The following LYST variants were observed in gnomAD, a reference collection of about 807,000 sequenced individuals.
LYST encodes the protein lysosomal-trafficking regulator.
LYST carries 192 observed loss-of-function variants against 413.6 expected under a neutral mutation model. That is an observed-to-expected ratio of 0.46 (90% CI 0.41 to 0.52). The LOEUF is 0.52. LYST is among the 20% of genes least tolerant of loss of function. LYST has a pLI of 0.00. For missense variants in LYST, 3,815 were observed against 4,499.9 expected, an observed-to-expected ratio of 0.85 and a Z score of 4.35; for synonymous variants, 1,525 against 1,567.3, an observed-to-expected ratio of 0.97 and a Z score of 0.64.
At chr1:235,671,779 C>A (rs746387704) in intron 50 of LYST, among the ~76,000 whole-genome samples, 1 of 151,970 alleles carries the variant, frequency 6.6e-6, no homozygotes, top group African/African-American at 2.4e-5. Flanking sequence ...TATAGCCTGG[C>A]GTAGATATGT....
In LYST at chr1:235,800,864, T is replaced by G. The variant is rs772588112; in HGVS notation, c.3939+7A>C. 1.4e-5 allele frequency: 22 copies of G among 1,582,824 alleles called. No individual in the cohort carries two copies. In the African/African-American group the frequency reaches 2.8e-4, roughly 20 times the overall value. The stretch of plus-strand genomic sequence containing the variant: ...ATTGATCACATTTAACTAAATGAAT[T>G]TTTTACCTGTTGCATGAGCAGAAAA... On this transcript the variant is annotated splice_region_variant and intron_variant, in intron 9 of 52. Coordinates refer to ENST00000389793, the MANE Select transcript of LYST (RefSeq NM_000081.4).
upstream of LYST, among the ~76,000 whole-genome samples, chr1:235,868,786 C>T (rs997104162): frequency 6.6e-6 from 1 of 152,148 alleles, no homozygotes; most frequent in Non-Finnish European, 1.5e-5. Flanking sequence ...ACCTCCGCCT[C>T]CCGGGTTCAA....
intron 41 of LYST, among the ~76,000 whole-genome samples, chr1:235,715,868 T>TAAA (rs61338459): frequency 6.8e-6 from 1 of 146,242 alleles, no homozygotes; most frequent in Admixed American, 6.8e-5. Context: ...TTATCAGAGA[T>TAAA]AAAAAAAAAA....
chr1:235,855,019 G>A (rs1467284247), intron 1 of LYST, among the ~76,000 whole-genome samples: 1 of 152,060 alleles, frequency 6.6e-6, no homozygotes, highest in African/African-American at 2.4e-5. Context: ...CACATAACAC[G>A]TTGTACCACC....
chr1:235,683,660 C>T (rs1488842524), intron 48 of LYST, among the ~76,000 whole-genome samples: 2 of 152,182 alleles, frequency 1.3e-5, no homozygotes, highest in South Asian at 2.1e-4. Flanking sequence ...AGGATTTGGC[C>T]ACATCCTATG....
At chr1:235,826,757 T>C (rs149098802) in intron 3 of LYST, among the ~76,000 whole-genome samples, 13 of 152,300 alleles carry the variant, frequency 8.5e-5, no homozygotes, top group African/African-American at 3.1e-4. Context: ...CATGGCTCAC[T>C]GCAGCCTTGA....
chr1:235,809,634 C>T lies in LYST; in HGVS notation c.1184G>A (p.Arg395His), dbSNP rs199704748. Reference protein sequence around the residue: ...VQEDFVFSKYRHRALLLPELL... With the variant: ...VQEDFVFSKYHHRALLLPELL... ...CTCAGGTAAAAGAAGGGCTCTATGA[C>T]GATACTTTGAAAACACAAAATCTTC... The change falls in exon 5 of 53, where the codon CGT becomes CAT. Residue 395 changes from arginine to histidine, a missense_variant. This residue lies in a region of LYST where 1,648 missense variants were observed against 1,810.3 expected (regional missense o/e 0.91). Coordinates refer to ENST00000389793, the MANE Select transcript of LYST (RefSeq NM_000081.4). The surrounding 1 kb of genome is among the most constrained non-coding windows in gnomAD (Gnocchi z 4.0). 46 of 1,614,042 alleles carry T rather than the reference C, an allele frequency of 2.8e-5. No individual in the cohort carries two copies. Among genetic ancestry groups the T allele is most frequent in the African/African-American group, 2.4e-4 (18 of 75,028 alleles).
chr1:235,704,727 T>C (rs905908176), intron 44 of LYST, among the ~76,000 whole-genome samples: 14 of 152,190 alleles, frequency 9.2e-5, no homozygotes, highest in African/African-American at 3.4e-4. Flanking sequence ...TTGATAGTTT[T>C]TTTTCCTGTG....
chr1:235,810,162 A>G lies in LYST; in HGVS notation c.656T>C (p.Met219Thr), dbSNP rs764415532. ...AATCTCTCTGGAATTTTCCAAAGCC[A>G]TAGCATCTGGAGGAGTCTGTTCTTT... ...ATKEQTPPDA[M>T]ALENSREIIP... Residue 219 changes from methionine (M) to threonine (T), a missense_variant, in exon 5 of 53, where the codon ATG (methionine) becomes ACG (threonine). Physicochemically the swap from Met to Thr is moderately conservative, Grantham distance 81. Transcript: ENST00000389793. The G allele has an allele frequency of 4.3e-6, 7 of 1,614,060 alleles. No homozygotes were observed. In the African/African-American group the frequency reaches 9.3e-5, roughly 22 times the overall value.
rs536335514 is a variant in LYST at position 235,863,415 on chromosome 1, G to A, written c.-98+3428C>T. On this transcript the variant is annotated intron_variant, in intron 1 of 52. Transcript: ENST00000389793. ...TCCACGGAAATCTTTAGTAAAAGGCGAAAGATTTATACAATTTGAAGAGAA... is the reference window on the plus strand; with the variant it reads ...TCCACGGAAATCTTTAGTAAAAGGCAAAAGATTTATACAATTTGAAGAGAA... Among the ~76,000 whole-genome samples the A allele has an allele frequency of 9.5e-4, 143 of 150,428 alleles. No individual in the cohort carries two copies. The South Asian group carries it at 0.028, about 29-fold the overall frequency.
chr1:235,870,833 T>C (rs143691532), upstream of LYST, among the ~76,000 whole-genome samples: 23 of 152,306 alleles, frequency 1.5e-4, no homozygotes, highest in African/African-American at 5.5e-4. Flanking sequence ...GAAAATTTTG[T>C]TGAAAATTCA....
intron 43 of LYST, among the ~76,000 whole-genome samples, chr1:235,711,340 G>C (rs946695729): frequency 3.9e-5 from 6 of 152,110 alleles, no homozygotes; most frequent in Non-Finnish European, 8.8e-5. Context: ...GCTCCAGGGT[G>C]GCATGAATCT....
chr1:235,764,853 T>C (rs1403954457), intron 21 of LYST, among the ~76,000 whole-genome samples: 1 of 152,210 alleles, frequency 6.6e-6, no homozygotes, highest in Non-Finnish European at 1.5e-5. Flanking sequence ...TTTTCCAATG[T>C]AAATTTATGA....
chr1:235,674,345 C>G lies in LYST; in HGVS notation c.11038+2746G>C, dbSNP rs1659203720. Among the ~76,000 whole-genome samples, 2 of 151,696 alleles carry G rather than the reference C, an allele frequency of 1.3e-5. 1 individual carries two copies. Among genetic ancestry groups the G allele is most frequent in the African/African-American group, 4.8e-5 (2 of 41,272 alleles). ...AGTGGAGTGGCATTTGCGCTCTAATCCAATTAGCCATCCCTTTCACCCTGG... is the reference window on the plus strand; with the variant it reads ...AGTGGAGTGGCATTTGCGCTCTAATGCAATTAGCCATCCCTTTCACCCTGG... On this transcript the variant is annotated intron_variant, in intron 50 of 52. Coordinates refer to ENST00000389793, the MANE Select transcript of LYST (RefSeq NM_000081.4). The surrounding 1 kb of genome is among the most constrained non-coding windows in gnomAD (Gnocchi z 4.1).
At chr1:235,877,433 G>C (rs1681186540) in intron 1 of LYST, among the ~76,000 whole-genome samples, 1 of 152,126 alleles carries the variant, frequency 6.6e-6, no homozygotes, top group African/African-American at 2.4e-5. Context: ...TGGAGACGGG[G>C]TTTTGCTCTT....
chr1:235,844,186 T>C (rs555436515), intron 1 of LYST, among the ~76,000 whole-genome samples: 8 of 152,286 alleles, frequency 5.3e-5, no homozygotes, highest in East Asian at 1.9e-4. Flanking sequence ...TTAATATATA[T>C]TGATAGATTG....
rs1676225215 is a variant in LYST at position 235,833,551 on chromosome 1, T to C, written c.-8+27A>G. ...CAAGCCTTCAAAATCATGTTGATGG[T>C]TAATATTTATTACATTATATACTTA... On this transcript the variant is annotated intron_variant, in intron 2 of 52. Coordinates refer to ENST00000389793, the MANE Select transcript of LYST (RefSeq NM_000081.4). 1.0e-5 allele frequency: 5 copies of C among 501,600 alleles called. No homozygotes were observed. The South Asian group carries it at 3.4e-4, about 34-fold the overall frequency. 31.1% of individuals were successfully genotyped at this position (501,600 alleles called of 1,614,324 possible).
intron 19 of LYST, among the ~76,000 whole-genome samples, chr1:235,772,935 T>C (rs895114682): frequency 6.6e-6 from 1 of 152,224 alleles, no homozygotes; most frequent in Non-Finnish European, 1.5e-5. Flanking sequence ...GCATGGGAAA[T>C]AAGTGCCAGA....
chr1:235,840,478 A>C (rs1677090938), intron 1 of LYST, among the ~76,000 whole-genome samples: 1 of 152,208 alleles, frequency 6.6e-6, no homozygotes, highest in African/African-American at 2.4e-5. Context: ...CTTGGGCTTT[A>C]ATCTATTGGC....
Sources: allele counts gnomAD v4.1 joint callset (sites outside exome capture counted in the v4.1 genomes callset), GRCh38; gene constraint gnomAD v4.1.1; regional missense constraint gnomAD v4.1.1; non-coding constraint Gnocchi (gnomAD v3.1); transcripts MANE v1.5; gene names NCBI Gene and HGNC (gene_info 2026-07-23, HGNC 2026-07-21).